PUM1: variants seen among roughly 807,000 people sequenced by gnomAD.
PUM1 encodes the protein pumilio RNA binding family member 1.
Under a neutral mutation model 131.8 loss-of-function variants are expected in PUM1, and 13 were observed. That is an observed-to-expected ratio of 0.10 (90% CI 0.06 to 0.16). PUM1 has a LOEUF of 0.16. Among genes scored for constraint, PUM1 ranks in the 10% least tolerant of loss-of-function variants. The pLI is 1.00. For synonymous variants in PUM1, 509 were observed against 556.5 expected (o/e 0.91, Z 1.20); for missense variants, 961 against 1,512.4 (o/e 0.64, Z 6.05).
chr1:30,953,646 C>A (rs1475230277), intron 15 of PUM1, 68 bp downstream of exon 15: 48 of 1,540,594 alleles, frequency 3.1e-5, no homozygotes, highest in Non-Finnish European at 4.2e-5. Context: ...AGTAGATACC[C>A]ATCTGAGCCA....
rs557337883 is a variant in PUM1 at position 31,019,404 on chromosome 1, A to ATAT, written c.432+9391_432+9392insATA. 1.1e-3 allele frequency among the ~76,000 whole-genome samples: 168 copies of ATAT among 152,372 alleles called. 2 individuals carry two copies. Among genetic ancestry groups the ATAT allele is most frequent in the African/African-American group, 3.7e-3 (152 of 41,592 alleles). ...AGGACAACCACAAATTAGATATTAG[A>ATAT]TAGAATTGCAAACTTGATGACTACC... On this transcript the variant is annotated intron_variant, in intron 3 of 21. Coordinates refer to ENST00000426105, the MANE Select transcript of PUM1 (RefSeq NM_001020658.2).
intron 6 of PUM1, among the ~76,000 whole-genome samples, chr1:30,994,571 A>C (rs568117769): frequency 2.0e-5 from 3 of 152,344 alleles, no homozygotes; most frequent in Admixed American, 6.5e-5. Flanking sequence ...AAAATAAGGA[A>C]AATGATACCT....
At chr1:30,955,086 C>CA (rs1238482624) in intron 14 of PUM1, among the ~76,000 whole-genome samples, 4 of 149,920 alleles carry the variant, frequency 2.7e-5, no homozygotes, top group Non-Finnish European at 4.5e-5. Flanking sequence ...AACAAACAAA[C>CA]AAACAAAAAA....
intron 13 of PUM1, 146 bp from the exon 14 acceptor site, chr1:30,965,056 C>T: frequency 3.1e-6 from 2 of 641,840 alleles, no homozygotes. Flanking sequence ...TGTAGCAGTA[C>T]TAGGGGCAGA....
intron 14 of PUM1, among the ~76,000 whole-genome samples, chr1:30,955,126 G>A (rs1320042912): frequency 4.0e-5 from 6 of 151,264 alleles, no homozygotes; most frequent in Non-Finnish European, 7.4e-5. Flanking sequence ...GAAAAAAACA[G>A]TATAGCAGCA....
At chr1:30,985,620 A>G (rs1208436684) in intron 7 of PUM1, among the ~76,000 whole-genome samples, 1 of 143,310 alleles carries the variant, frequency 7.0e-6, no homozygotes, top group Non-Finnish European at 1.5e-5. Context: ...ATTGCACTCC[A>G]GCCTAAGCAA....
At chr1:31,057,506 CAT>C (rs1245176198) in intron 2 of PUM1, among the ~76,000 whole-genome samples, 1 of 150,802 alleles carries the variant, frequency 6.6e-6, no homozygotes, top group African/African-American at 2.4e-5. Flanking sequence ...AGGTGGATCA[CAT>C]GAGGTCAGGA....
chr1:31,051,303 T>C (rs1051929901), intron 2 of PUM1, among the ~76,000 whole-genome samples: 1 of 119,330 alleles, frequency 8.4e-6, no homozygotes, highest in Non-Finnish European at 1.7e-5. Context: ...ATCCACTGAA[T>C]TTTTTTTTTT....
intron 5 of PUM1, 141 bp downstream of exon 5, chr1:31,005,712 G>A (rs149762786): frequency 5.1e-6 from 4 of 777,182 alleles, no homozygotes; most frequent in East Asian, 2.7e-5. Flanking sequence ...TACAACAAAC[G>A]TTGTTTGAAA....
intron 17 of PUM1, among the ~76,000 whole-genome samples, chr1:30,947,153 AT>A (rs1359748639): frequency 6.6e-6 from 1 of 152,214 alleles, no homozygotes; most frequent in Non-Finnish European, 1.5e-5. Flanking sequence ...ATAGACCTAG[AT>A]TCCCAACATT....
At chr1:31,057,633 G>A (rs755416748) in intron 2 of PUM1, among the ~76,000 whole-genome samples, 6 of 147,948 alleles carry the variant, frequency 4.1e-5, no homozygotes, top group Non-Finnish European at 8.9e-5. Context: ...GGTAAGGCAG[G>A]AGAATTGCTT....
intron 2 of PUM1, among the ~76,000 whole-genome samples, chr1:31,053,290 ACG>A: frequency 6.7e-6 from 1 of 148,424 alleles, no homozygotes; most frequent in African/African-American, 2.5e-5. Flanking sequence ...GTGAGCCACC[ACG>A]CCCAGTCCAC....
At chr1:30,934,156 GA>G (rs1639099068) in intron 21 of PUM1, among the ~76,000 whole-genome samples, 1 of 152,168 alleles carries the variant, frequency 6.6e-6, no homozygotes, top group African/African-American at 2.4e-5. Context: ...ATCATTTCAA[GA>G]AGTCCTACAT....
intron 18 of PUM1, among the ~76,000 whole-genome samples, chr1:30,943,263 AT>A (rs1055866746): frequency 2.4e-3 from 344 of 146,016 alleles, no homozygotes; most frequent in Middle Eastern, 3.5e-3. Context: ...TATACAAAGA[AT>A]TTTTTTTTTT....
At chr1:30,967,926 C>T (rs188167290) in intron 11 of PUM1, among the ~76,000 whole-genome samples, 1 of 152,216 alleles carries the variant, frequency 6.6e-6, no homozygotes, top group Admixed American at 6.5e-5. Context: ...CTAAAAAGGA[C>T]CCCTACTATT....
intron 7 of PUM1, among the ~76,000 whole-genome samples, chr1:30,990,513 T>TA: frequency 6.6e-6 from 1 of 151,934 alleles, no homozygotes; most frequent in East Asian, 1.9e-4. Context: ...GGATAAGGGA[T>TA]AAAATGTAAG....
chr1:30,952,573 A>C (rs1315952283), intron 15 of PUM1, among the ~76,000 whole-genome samples: 1 of 151,682 alleles, frequency 6.6e-6, no homozygotes, highest in Non-Finnish European at 1.5e-5. Context: ...TCCTAACTTA[A>C]TTGAGCTTTG....
chr1:30,995,508 T>C (rs1056699410), intron 5 of PUM1, among the ~76,000 whole-genome samples: 1 of 152,174 alleles, frequency 6.6e-6, no homozygotes, highest in African/African-American at 2.4e-5. Context: ...TCCTTCCTTT[T>C]TTTTCTTCCT....
At chr1:31,041,799 CT>C (rs1643824393) in intron 2 of PUM1, among the ~76,000 whole-genome samples, 1 of 152,126 alleles carries the variant, frequency 6.6e-6, no homozygotes, top group African/African-American at 2.4e-5. Context: ...AAATAAACCT[CT>C]TTTTGTTATA....
Sources: gnomAD v4.1 joint callset for allele counts (sites outside exome capture counted in the v4.1 genomes callset) on GRCh38, gnomAD v4.1.1 for gene constraint, MANE v1.5 for transcripts, NCBI Gene and HGNC (gene_info 2026-07-23, HGNC 2026-07-21) for gene names.